The following TYR variants were observed in gnomAD, a reference collection of about 807,000 sequenced individuals.
TYR encodes the protein tyrosinase.
TYR carries 58 observed loss-of-function variants against 51.5 expected under a neutral mutation model. The ratio of observed to expected loss-of-function variants is 1.13; its 90% CI spans 0.91 to 1.40. The LOEUF is 1.40. Among genes scored for constraint, TYR ranks in the 40% most tolerant of loss-of-function variants. The probability of loss-of-function intolerance (pLI) is 0.00; values close to 1 mark genes in which losing one functional copy is unlikely to be tolerated. For synonymous variants in TYR, 263 were observed against 235.2 expected (o/e 1.12, Z -1.08); for missense variants, 732 against 647.4 (o/e 1.13, Z -1.42).
At chr11:89,196,730 G>C (rs915897010) in intron 2 of TYR, among the ~76,000 whole-genome samples, 4 of 152,092 alleles carry the variant, frequency 2.6e-5, no homozygotes, top group African/African-American at 7.2e-5. Context: ...AGTATATTCA[G>C]TCCGACATCC....
intron 2 of TYR, among the ~76,000 whole-genome samples, chr11:89,207,301 T>C (rs986757016): frequency 6.6e-6 from 1 of 152,142 alleles, no homozygotes; most frequent in Non-Finnish European, 1.5e-5. Context: ...AATACAGATC[T>C]TGCAGACATC....
chr11:89,250,677 G>T (rs1441763278), intron 3 of TYR, among the ~76,000 whole-genome samples: 1 of 151,776 alleles, frequency 6.6e-6, no homozygotes, highest in Non-Finnish European at 1.5e-5. Flanking sequence ...TCTTCATAGG[G>T]TCTTCCCTGT....
intron 3 of TYR, among the ~76,000 whole-genome samples, chr11:89,256,193 G>A (rs957062043): frequency 5.3e-5 from 8 of 151,718 alleles, no homozygotes; most frequent in African/African-American, 1.9e-4. Flanking sequence ...TCGGGTATTT[G>A]TTTGTTATTG....
Position 89,264,049 on chromosome 11 carries a change from T to G in TYR, c.1185-20724T>G, listed in dbSNP as rs561025910. Among the ~76,000 whole-genome samples, 44 of 152,204 alleles carry G rather than the reference T, an allele frequency of 2.9e-4. 1 individual carries two copies. The South Asian group carries it at 8.9e-3, about 31-fold the overall frequency. On this transcript the variant is annotated intron_variant, in intron 3 of 4. Transcript: ENST00000263321. The stretch of plus-strand genomic sequence containing the variant: ...TTTCTTGAATAAATGTTTCAGCATT[T>G]GCTGTGTACCCTTAGAATAACTTCT...
intron 3 of TYR, among the ~76,000 whole-genome samples, chr11:89,247,732 G>A (rs928839673): frequency 1.3e-5 from 2 of 152,174 alleles, no homozygotes; most frequent in African/African-American, 4.8e-5. Flanking sequence ...TCTGCAAAGC[G>A]GAGGGAAGAG....
chr11:89,206,731 C>T (rs889922630), intron 2 of TYR, among the ~76,000 whole-genome samples: 4 of 151,968 alleles, frequency 2.6e-5, no homozygotes, highest in African/African-American at 9.7e-5. Context: ...GCCCCTTGAG[C>T]CATAAAGCAA....
intron 2 of TYR, among the ~76,000 whole-genome samples, chr11:89,221,477 TGCTTCTC>T (rs1351771238): frequency 6.6e-6 from 1 of 152,262 alleles, no homozygotes; most frequent in African/African-American, 2.4e-5. Context: ...TGAAAGTTAA[TGCTTCTC>T]GTGTATCTAG....
chr11:89,199,304 T>C lies in TYR; in HGVS notation c.1036+7886T>C, dbSNP rs1372444163. ...GGATGGCTGAGTCAAATGGTATTTC[T>C]AGTTCTAGATCCCTGAGGAATCTAG... On this transcript the variant is annotated intron_variant, in intron 2 of 4. Coordinates refer to ENST00000263321, the MANE Select transcript of TYR (RefSeq NM_000372.5). 2.0e-5 allele frequency among the ~76,000 whole-genome samples: 3 copies of C among 152,204 alleles called. No homozygotes were observed. In the East Asian group the frequency reaches 5.8e-4, roughly 29 times the overall value.
At chr11:89,220,092 CT>C (rs1943887700) in intron 2 of TYR, among the ~76,000 whole-genome samples, 1 of 152,012 alleles carries the variant, frequency 6.6e-6, no homozygotes, top group Admixed American at 6.5e-5. Context: ...CACTTATCTG[CT>C]TGTGGTAGGC....
intron 2 of TYR, among the ~76,000 whole-genome samples, chr11:89,194,854 C>T (rs1392718798): frequency 6.6e-6 from 1 of 152,150 alleles, no homozygotes; most frequent in African/African-American, 2.4e-5. Flanking sequence ...TTAAAACACA[C>T]ATTCTCTCTG....
intron 2 of TYR, among the ~76,000 whole-genome samples, chr11:89,204,163 GTCT>G: frequency 6.6e-6 from 1 of 152,146 alleles, no homozygotes; most frequent in African/African-American, 2.4e-5. Flanking sequence ...GGATAGTTAG[GTCT>G]TCTAGCACTG....
At chr11:89,251,042 A>G (rs1944326043) in intron 3 of TYR, among the ~76,000 whole-genome samples, 1 of 151,968 alleles carries the variant, frequency 6.6e-6, no homozygotes, top group South Asian at 2.1e-4. Context: ...TTTAAGATAC[A>G]GGTGACTGAA....
At chr11:89,237,998 G>A (rs545208708) in intron 3 of TYR, among the ~76,000 whole-genome samples, 1 of 151,758 alleles carries the variant, frequency 6.6e-6, no homozygotes, top group Non-Finnish European at 1.5e-5. Context: ...ACCATATCTG[G>A]CTAATTTTTG....
intron 3 of TYR, among the ~76,000 whole-genome samples, chr11:89,240,674 A>G (rs1046309836): frequency 3.3e-5 from 5 of 152,156 alleles, no homozygotes; most frequent in Non-Finnish European, 5.9e-5. Flanking sequence ...ATCTGTAAAA[A>G]GAGTGAATTG....
chr11:89,177,895 G>T lies in TYR; in HGVS notation c.-59G>T. 1.3e-6 allele frequency: 2 copies of T among 1,559,464 alleles called. No individual in the cohort carries two copies. Among genetic ancestry groups the T allele is most frequent in the South Asian group, 1.1e-5 (1 of 89,472 alleles). On this transcript the variant is annotated 5_prime_UTR_variant, in exon 1 of 5. Transcript: ENST00000263321. ...TAATCACTGTAGTAGTAGCTGGAAA[G>T]AGAAATCTGTGACTCCAATTAGCCA...
intron 3 of TYR, among the ~76,000 whole-genome samples, chr11:89,269,843 T>A (rs1944568844): frequency 6.6e-6 from 1 of 151,900 alleles, no homozygotes; most frequent in South Asian, 2.1e-4. Context: ...TGTTTCAACA[T>A]TAGCCAGGAA....
intron 3 of TYR, among the ~76,000 whole-genome samples, chr11:89,281,036 G>C (rs540239349): frequency 6.6e-6 from 1 of 151,840 alleles, no homozygotes; most frequent in African/African-American, 2.4e-5. Context: ...TAAAGTATGA[G>C]AGAGGGGAGT....
At chr11:89,222,942 G>C (rs1044745522) in intron 2 of TYR, among the ~76,000 whole-genome samples, 3 of 152,052 alleles carry the variant, frequency 2.0e-5, no homozygotes, top group African/African-American at 7.3e-5. Context: ...GGAATTCGTG[G>C]ACAAGGTTGA....
intron 3 of TYR, among the ~76,000 whole-genome samples, chr11:89,231,660 G>A (rs1944051962): frequency 1.4e-5 from 2 of 142,228 alleles, no homozygotes; most frequent in South Asian, 2.3e-4. Context: ...TTGGAGGGAA[G>A]TTGGACAAAT....
Sources: allele counts gnomAD v4.1 joint callset (sites outside exome capture counted in the v4.1 genomes callset), GRCh38; gene constraint gnomAD v4.1.1; transcripts MANE v1.5; gene names NCBI Gene and HGNC (gene_info 2026-07-23, HGNC 2026-07-21).